NSMCE2: variants seen among roughly 807,000 people sequenced by gnomAD.
The protein encoded by NSMCE2 is NSE2 SUMO ligase component of SMC5/6 complex.
A neutral mutation model predicts 23.8 loss-of-function variants in NSMCE2; 24 were observed. The observed-to-expected ratio is 1.01, with a 90% CI of 0.73 to 1.42. The LOEUF is 1.42. Ranked by LOEUF, NSMCE2 falls within the 40% of genes most tolerant of loss-of-function variation. The pLI, the probability that NSMCE2 is intolerant of heterozygous loss-of-function variation, is 0.00. For missense variants in NSMCE2, 284 were observed against 296.5 expected (o/e 0.96, Z 0.31); for synonymous variants, 92 against 94.1 (o/e 0.98, Z 0.13).
At chr8:125,316,245 T>C (rs1829173612) in intron 5 of NSMCE2, among the ~76,000 whole-genome samples, 2 of 152,246 alleles carry the variant, frequency 1.3e-5, no homozygotes, top group African/African-American at 4.8e-5. Flanking sequence ...CAACAGCACA[T>C]ACTTAAGAAC....
intron 5 of NSMCE2, among the ~76,000 whole-genome samples, chr8:125,277,847 A>G (rs369017609): frequency 1.3e-5 from 2 of 152,250 alleles, no homozygotes; most frequent in East Asian, 1.9e-4. Context: ...TTTAGCAGTC[A>G]TTACTGAGAA....
At chr8:125,265,863 A>G (rs930305265) in intron 5 of NSMCE2, among the ~76,000 whole-genome samples, 1 of 152,242 alleles carries the variant, frequency 6.6e-6, no homozygotes. Context: ...TTTGAGAATG[A>G]CTTTCATGGT....
chr8:125,203,294 A>G lies in NSMCE2; in HGVS notation c.418+21038A>G, dbSNP rs547987461. 3.3e-5 allele frequency among the ~76,000 whole-genome samples: 5 copies of G among 151,964 alleles called. No homozygotes were observed. In the East Asian group the frequency reaches 5.8e-4, roughly 18 times the overall value. ...TTTTTAGTACCCTCATCTCCTGTCA[A>G]CCTGTTTGCCAGATTATAGACTGTA... On this transcript the variant is annotated intron_variant, in intron 5 of 7. Coordinates refer to ENST00000287437, the MANE Select transcript of NSMCE2 (RefSeq NM_173685.4).
chr8:125,247,497 G>T (rs919989818), intron 5 of NSMCE2, among the ~76,000 whole-genome samples: 2 of 152,158 alleles, frequency 1.3e-5, no homozygotes, highest in South Asian at 2.1e-4. Flanking sequence ...GCCCAAGGCC[G>T]GTGGATTACC....
At chr8:125,288,639 T>C (rs1827988756) in intron 5 of NSMCE2, among the ~76,000 whole-genome samples, 1 of 152,208 alleles carries the variant, frequency 6.6e-6, no homozygotes, top group Non-Finnish European at 1.5e-5. Flanking sequence ...ACTGTTGACA[T>C]TTATTCATTC....
intron 5 of NSMCE2, among the ~76,000 whole-genome samples, chr8:125,245,605 A>G (rs936978621): frequency 8.6e-5 from 13 of 151,808 alleles, no homozygotes; most frequent in African/African-American, 2.7e-4. Flanking sequence ...GGAAAAATCT[A>G]AAAAAAATAC....
At chr8:125,353,045 C>T (rs1813104954) in intron 5 of NSMCE2, among the ~76,000 whole-genome samples, 1 of 152,136 alleles carries the variant, frequency 6.6e-6, no homozygotes, top group Admixed American at 6.5e-5. Context: ...TTGAAGTTCC[C>T]CACTCAGCCT....
chr8:125,160,369 A>G (rs1821542368), intron 4 of NSMCE2, among the ~76,000 whole-genome samples: 1 of 152,150 alleles, frequency 6.6e-6, no homozygotes, highest in Admixed American at 6.5e-5. Context: ...AAGTTTGGAG[A>G]GTAGAGTGGG....
At chr8:125,318,133 G>C (rs949097792) in intron 5 of NSMCE2, among the ~76,000 whole-genome samples, 1 of 152,222 alleles carries the variant, frequency 6.6e-6, no homozygotes, top group Non-Finnish European at 1.5e-5. Flanking sequence ...ATAGGGCCGG[G>C]TATAGTGGCA....
chr8:125,233,731 C>T (rs1825424771), intron 5 of NSMCE2, among the ~76,000 whole-genome samples: 2 of 152,132 alleles, frequency 1.3e-5, no homozygotes, highest in African/African-American at 4.8e-5. Context: ...ATTGTCATAA[C>T]TCCCAAATAT....
intron 7 of NSMCE2, 99 bp downstream of exon 7, chr8:125,357,917 T>C (rs1813355193): frequency 1.3e-6 from 1 of 788,678 alleles, no homozygotes; most frequent in Non-Finnish European, 2.2e-6. Context: ...ATGTCTCTTC[T>C]AAATTCCGTT....
At chr8:125,182,999 T>C (rs1822901470) in intron 5 of NSMCE2, among the ~76,000 whole-genome samples, 1 of 152,198 alleles carries the variant, frequency 6.6e-6, no homozygotes, top group African/African-American at 2.4e-5. Flanking sequence ...CATTAGCATC[T>C]ATTTAGTCCT....
chr8:125,219,440 G>A (rs988805027), intron 5 of NSMCE2, among the ~76,000 whole-genome samples: 2 of 152,176 alleles, frequency 1.3e-5, no homozygotes, highest in African/African-American at 4.8e-5. Flanking sequence ...GCTTAAGTGT[G>A]ATTCACTCTG....
intron 3 of NSMCE2, among the ~76,000 whole-genome samples, chr8:125,149,146 A>C (rs929185667): frequency 6.6e-6 from 1 of 152,146 alleles, no homozygotes; most frequent in Non-Finnish European, 1.5e-5. Context: ...AATTTGGGGA[A>C]TGTAAATACA....
At chr8:125,204,226 C>T (rs1378880004) in intron 5 of NSMCE2, among the ~76,000 whole-genome samples, 2 of 152,104 alleles carry the variant, frequency 1.3e-5, no homozygotes, top group South Asian at 2.1e-4. Context: ...AGGTCAAGGC[C>T]CTTTTTGCGA....
At chr8:125,207,911 G>A (rs999168564) in intron 5 of NSMCE2, among the ~76,000 whole-genome samples, 1 of 152,212 alleles carries the variant, frequency 6.6e-6, no homozygotes, top group African/African-American at 2.4e-5. Flanking sequence ...TTGAGGCCTG[G>A]ACTTGGAAAT....
At chr8:125,125,995 C>A (rs1346470584) in intron 3 of NSMCE2, among the ~76,000 whole-genome samples, 1 of 152,116 alleles carries the variant, frequency 6.6e-6, no homozygotes, top group Non-Finnish European at 1.5e-5. Flanking sequence ...AGGAAGACAT[C>A]ATCTTATTAT....
chr8:125,183,192 T>C (rs1013516707), intron 5 of NSMCE2, among the ~76,000 whole-genome samples: 1 of 152,210 alleles, frequency 6.6e-6, no homozygotes, highest in Admixed American at 6.5e-5. Flanking sequence ...AATGTAGGGA[T>C]TCGTATTTTG....
chr8:125,179,120 A>G (rs1170183937), intron 4 of NSMCE2, among the ~76,000 whole-genome samples: 3 of 152,178 alleles, frequency 2.0e-5, no homozygotes, highest in Non-Finnish European at 2.9e-5. Context: ...GCCCTAGTAA[A>G]TTAATATACC....
Sources: allele counts gnomAD v4.1 joint callset (sites outside exome capture counted in the v4.1 genomes callset), GRCh38; gene constraint gnomAD v4.1.1; transcripts MANE v1.5; gene names NCBI Gene and HGNC (gene_info 2026-07-23, HGNC 2026-07-21).